Variants in NUDCD3 observed in about 807,000 individuals in gnomAD.
NUDCD3 encodes NudC domain containing 3.
NUDCD3 carries 13 observed loss-of-function variants against 39.7 expected under a neutral mutation model. That is an observed-to-expected ratio of 0.33 (90% CI 0.21 to 0.52). The LOEUF is 0.52. Ranked by LOEUF, NUDCD3 falls within the 20% of genes least tolerant of loss-of-function variation. NUDCD3 has a pLI of 0.96. For missense variants in NUDCD3, 453 were observed against 458.1 expected, an observed-to-expected ratio of 0.99 and a Z score of 0.10; for synonymous variants, 175 against 172.4, an observed-to-expected ratio of 1.02 and a Z score of -0.12.
Position 44,404,970 on chromosome 7 carries a change from G to A in NUDCD3, c.643-387C>T, listed in dbSNP as rs987869804. Among the ~76,000 whole-genome samples the A allele has an allele frequency of 3.9e-5, 6 of 152,246 alleles. No homozygotes were observed. The East Asian group carries it at 1.2e-3, about 29-fold the overall frequency. On this transcript the variant is annotated intron_variant, in intron 3 of 5. Transcript: ENST00000355451. ...TTGTGGCTACCTGGGAGACGCAGGA[G>A]CCCAGCCCTGGACCACAGCAACCAA...
intron 2 of NUDCD3, among the ~76,000 whole-genome samples, chr7:44,479,124 T>A (rs1398197806): frequency 6.6e-6 from 1 of 152,124 alleles, no homozygotes; most frequent in Non-Finnish European, 1.5e-5. Context: ...CACATGGATA[T>A]AACTGCCCCC....
At chr7:44,419,446 G>C (rs1563171019) in intron 3 of NUDCD3, among the ~76,000 whole-genome samples, 1 of 152,226 alleles carries the variant, frequency 6.6e-6, no homozygotes, top group East Asian at 1.9e-4. Flanking sequence ...GCTTTGAAGA[G>C]AGCAACAGAT....
intron 4 of NUDCD3, among the ~76,000 whole-genome samples, chr7:44,397,354 G>GT (rs1798643739): frequency 6.6e-6 from 1 of 152,120 alleles, no homozygotes; most frequent in Non-Finnish European, 1.5e-5. Context: ...ATTCTCCTTG[G>GT]TAAGTAGCCA....
chr7:44,484,839 A>C, intron 2 of NUDCD3, 129 bp downstream of exon 2: 1 of 755,844 alleles, frequency 1.3e-6, no homozygotes, highest in Non-Finnish European at 2.1e-6. Context: ...AGCAGTTTAC[A>C]AACATGAAGA....
At chr7:44,458,964 GTGTGTGTGTGTGTGT>G in intron 2 of NUDCD3, among the ~76,000 whole-genome samples, 1 of 144,548 alleles carries the variant, frequency 6.9e-6, no homozygotes, top group Non-Finnish European at 1.5e-5. Context: ...GTGTGTGTGT[GTGTGTGTGTGTGTGT>G]GGTGATGTGT....
At chr7:44,409,849 T>A (rs1313582333) in intron 3 of NUDCD3, among the ~76,000 whole-genome samples, 2 of 152,138 alleles carry the variant, frequency 1.3e-5, no homozygotes, top group Non-Finnish European at 1.5e-5. Flanking sequence ...ACCATTTTTT[T>A]AAGAATCAAA....
At chr7:44,440,027 C>T (rs550218880) in intron 2 of NUDCD3, among the ~76,000 whole-genome samples, 30 of 152,286 alleles carry the variant, frequency 2.0e-4, no homozygotes, top group African/African-American at 7.0e-4. Flanking sequence ...TTTGAAACTC[C>T]TCCATCCTCC....
rs544858206 is a variant in NUDCD3 at position 44,431,916 on chromosome 7, C to T, written c.510-4213G>A. 4.6e-5 allele frequency among the ~76,000 whole-genome samples: 7 copies of T among 152,262 alleles called. No homozygotes were observed. In the South Asian group the frequency reaches 1.2e-3, roughly 27 times the overall value. On this transcript the variant is annotated intron_variant, in intron 2 of 5. Transcript: ENST00000355451. Reference sequence around the variant, plus strand: ...CGAAATCCTGACCTGAAGTGATCTGCCTGCCTCAGCCTCCCATAGTGCTGG... The same window carrying T: ...CGAAATCCTGACCTGAAGTGATCTGTCTGCCTCAGCCTCCCATAGTGCTGG...
At chr7:44,466,464 G>C (rs555500867) in intron 2 of NUDCD3, among the ~76,000 whole-genome samples, 19 of 152,178 alleles carry the variant, frequency 1.2e-4, no homozygotes, top group Non-Finnish European at 2.5e-4. Context: ...AGTACAGTCA[G>C]CAGGGCCCCA....
intron 2 of NUDCD3, among the ~76,000 whole-genome samples, chr7:44,470,556 C>A (rs1397130321): frequency 1.3e-5 from 2 of 152,218 alleles, no homozygotes; most frequent in Non-Finnish European, 2.9e-5. Flanking sequence ...TCAGGTCACT[C>A]CAACTACCTC....
At chr7:44,485,363 C>G in intron 1 of NUDCD3, 79 bp from the exon 2 acceptor site, 1 of 1,266,778 alleles carries the variant, frequency 7.9e-7, no homozygotes, top group Non-Finnish European at 1.1e-6. Context: ...GTCGTAAAAT[C>G]TGTGAAGGAG....
chr7:44,400,744 G>T (rs1380644716), intron 4 of NUDCD3, among the ~76,000 whole-genome samples: 1 of 152,308 alleles, frequency 6.6e-6, no homozygotes, highest in South Asian at 2.1e-4. Context: ...CCTGGGCTTG[G>T]TGGTTATATC....
intron 4 of NUDCD3, among the ~76,000 whole-genome samples, chr7:44,394,108 G>C (rs1195341923): frequency 1.3e-5 from 2 of 152,324 alleles, no homozygotes; most frequent in East Asian, 3.9e-4. Flanking sequence ...TGGTGCGGGA[G>C]AGCACACAGT....
At chr7:44,391,147 GA>G (rs1187103712) in intron 5 of NUDCD3, among the ~76,000 whole-genome samples, 2 of 151,870 alleles carry the variant, frequency 1.3e-5, no homozygotes, top group East Asian at 1.9e-4. Flanking sequence ...ATTGTGGGGG[GA>G]AAAAAACAAA....
intron 3 of NUDCD3, among the ~76,000 whole-genome samples, chr7:44,414,597 G>A (rs964840064): frequency 1.3e-5 from 2 of 152,170 alleles, no homozygotes; most frequent in Admixed American, 6.5e-5. Flanking sequence ...GAGGGGTCAG[G>A]ACAAGACAGA....
At chr7:44,412,562 G>A (rs1225363040) in intron 3 of NUDCD3, among the ~76,000 whole-genome samples, 1 of 152,008 alleles carries the variant, frequency 6.6e-6, no homozygotes, top group Non-Finnish European at 1.5e-5. Flanking sequence ...AATGAGATGG[G>A]GCCCAAATTG....
chr7:44,467,891 G>A (rs573234469), intron 2 of NUDCD3: 17 of 1,602,102 alleles, frequency 1.1e-5, no homozygotes, highest in South Asian at 3.3e-5. Context: ...TCTCCTCCTC[G>A]GCATCATGGC....
At chr7:44,432,098 C>G (rs151063083) in intron 2 of NUDCD3, among the ~76,000 whole-genome samples, 1 of 152,082 alleles carries the variant, frequency 6.6e-6, no homozygotes, top group Non-Finnish European at 1.5e-5. Context: ...GTCTGGGCAA[C>G]GTAGGAAGAC....
intron 3 of NUDCD3, among the ~76,000 whole-genome samples, chr7:44,410,384 C>G (rs1010636432): frequency 2.0e-5 from 3 of 152,208 alleles, no homozygotes; most frequent in Admixed American, 2.0e-4. Context: ...TAAAAACAGC[C>G]AGGCACAGTG....
Sources: allele counts gnomAD v4.1 joint callset (sites outside exome capture counted in the v4.1 genomes callset), GRCh38; gene constraint gnomAD v4.1.1; transcripts MANE v1.5; gene names NCBI Gene and HGNC (gene_info 2026-07-23, HGNC 2026-07-21).